The following SAMD4A variants were observed in gnomAD, a reference collection of about 807,000 sequenced individuals.
The protein encoded by SAMD4A is protein Smaug homolog 1.
SAMD4A carries 33 observed loss-of-function variants against 81.3 expected under a neutral mutation model. The ratio of observed to expected loss-of-function variants is 0.41; its 90% CI spans 0.31 to 0.54. The LOEUF (loss-of-function observed/expected upper bound fraction) is 0.54, where lower values mean the gene tolerates loss of function less well. SAMD4A is among the 20% of genes least tolerant of loss of function. SAMD4A has a pLI of 0.37. For missense variants in SAMD4A, 854 were observed against 951.1 expected (o/e 0.90, Z 1.34); for synonymous variants, 389 against 382.1 (o/e 1.02, Z -0.21).
At chr14:54,651,587 A>G (rs1286891850) in intron 2 of SAMD4A, among the ~76,000 whole-genome samples, 1 of 152,242 alleles carries the variant, frequency 6.6e-6, no homozygotes, top group Non-Finnish European at 1.5e-5. Flanking sequence ...TCAAGAACTT[A>G]CTAGTAAATA....
At chr14:54,600,353 G>A (rs753966249) in intron 2 of SAMD4A, among the ~76,000 whole-genome samples, 41 of 152,148 alleles carry the variant, frequency 2.7e-4, no homozygotes, top group Non-Finnish European at 4.6e-4. Flanking sequence ...ATTATCCAAG[G>A]TTTTGTTGTT....
chr14:54,770,553 G>A (rs1294604070), intron 9 of SAMD4A, among the ~76,000 whole-genome samples: 1 of 152,232 alleles, frequency 6.6e-6, no homozygotes, highest in Non-Finnish European at 1.5e-5. Context: ...ACAAAAGGGG[G>A]ATCTGAAAGG....
At chr14:54,596,038 C>G (rs892075131) in intron 2 of SAMD4A, among the ~76,000 whole-genome samples, 2 of 152,122 alleles carry the variant, frequency 1.3e-5, no homozygotes, top group African/African-American at 4.8e-5. Flanking sequence ...ATTAGACTCC[C>G]AGGTCTGGTA....
chr14:54,759,656 G>A (rs1034711949), intron 6 of SAMD4A, among the ~76,000 whole-genome samples: 1 of 152,216 alleles, frequency 6.6e-6, no homozygotes, highest in Non-Finnish European at 1.5e-5. Context: ...TCACATGGGA[G>A]TGCAAGAATC....
intron 2 of SAMD4A, among the ~76,000 whole-genome samples, chr14:54,645,351 C>G (rs2140400565): frequency 6.6e-6 from 1 of 152,310 alleles, no homozygotes; most frequent in African/African-American, 2.4e-5. Context: ...ATGCCTATCC[C>G]TATCCCACTG....
At chr14:54,608,001 G>A (rs920213198) in intron 2 of SAMD4A, among the ~76,000 whole-genome samples, 6 of 130,802 alleles carry the variant, frequency 4.6e-5, no homozygotes, top group African/African-American at 1.8e-4. Flanking sequence ...GGGTGACAGA[G>A]CAAGACTCCG....
At chr14:54,727,996 C>T (rs1373191045) in intron 3 of SAMD4A, among the ~76,000 whole-genome samples, 1 of 152,150 alleles carries the variant, frequency 6.6e-6, no homozygotes, top group Non-Finnish European at 1.5e-5. Flanking sequence ...TCTGTAGCTC[C>T]AGACAGCCCT....
At chr14:54,678,794 C>T (rs1413578274) in intron 2 of SAMD4A, among the ~76,000 whole-genome samples, 1 of 152,048 alleles carries the variant, frequency 6.6e-6, no homozygotes, top group East Asian at 1.9e-4. Flanking sequence ...GTGATCCGCC[C>T]GCCTCGGCCT....
chr14:54,708,876 T>A (rs1276098094), intron 3 of SAMD4A, among the ~76,000 whole-genome samples: 2 of 152,088 alleles, frequency 1.3e-5, no homozygotes, highest in Middle Eastern at 3.2e-3. Context: ...CCAAAGAGAT[T>A]GGAGGTAAGA....
chr14:54,664,203 A>G (rs1349440722), intron 2 of SAMD4A, among the ~76,000 whole-genome samples: 1 of 152,166 alleles, frequency 6.6e-6, no homozygotes, highest in Admixed American at 6.5e-5. Flanking sequence ...TTAAAGAAAG[A>G]GAACCTGAAA....
At chr14:54,773,892 T>C (rs2038769591) in intron 9 of SAMD4A, among the ~76,000 whole-genome samples, 7 of 152,254 alleles carry the variant, frequency 4.6e-5, no homozygotes, top group Admixed American at 4.6e-4. Context: ...GCAGGATGGA[T>C]GAGGACAGAC....
intron 2 of SAMD4A, among the ~76,000 whole-genome samples, chr14:54,664,380 C>T (rs1227020436): frequency 2.6e-5 from 4 of 152,086 alleles, no homozygotes; most frequent in African/African-American, 4.8e-5. Context: ...CAGCCGGCTG[C>T]GTTGTATAAA....
chr14:54,659,444 T>A (rs2035592225), intron 2 of SAMD4A, among the ~76,000 whole-genome samples: 2 of 152,136 alleles, frequency 1.3e-5, no homozygotes, highest in South Asian at 4.1e-4. Flanking sequence ...CTCTTTTTGG[T>A]TTGTTTGGTT....
chr14:54,722,164 C>A (rs776457561), intron 3 of SAMD4A, among the ~76,000 whole-genome samples: 3 of 152,166 alleles, frequency 2.0e-5, no homozygotes, highest in Non-Finnish European at 2.9e-5. Context: ...ATAAACAATA[C>A]TTCACATCAA....
At chr14:54,644,086 C>T (rs1036151074) in intron 2 of SAMD4A, among the ~76,000 whole-genome samples, 4 of 152,142 alleles carry the variant, frequency 2.6e-5, no homozygotes, top group African/African-American at 7.2e-5. Context: ...TCTTGACTAC[C>T]GGCTGTGATT....
In SAMD4A at chr14:54,603,794, ATTTG is replaced by A. The variant is rs200892616; in HGVS notation, c.196+35698_196+35701del. Among the ~76,000 whole-genome samples the A allele has an allele frequency of 7.8e-3, 1,144 of 146,382 alleles. 7 individuals carry two copies. The highest frequency in any genetic ancestry group is 0.016 in the African/African-American group (624 of 39,800). ...AGAACTTTTGTATTTCCATTATTTT[ATTTG>A]TTTGTTTGTTTGTTTATTTGTTTAT... On this transcript the variant is annotated intron_variant, in intron 2 of 12. Transcript: ENST00000554335.
chr14:54,755,232 T>C (rs556717310), intron 6 of SAMD4A, among the ~76,000 whole-genome samples: 2 of 152,060 alleles, frequency 1.3e-5, no homozygotes, highest in African/African-American at 4.8e-5. Context: ...GTCATAGTAT[T>C]TGGGGACAGA....
chr14:54,569,732 T>A (rs1165218165), intron 2 of SAMD4A, among the ~76,000 whole-genome samples: 1 of 152,230 alleles, frequency 6.6e-6, no homozygotes, highest in Non-Finnish European at 1.5e-5. Context: ...TTTTGCATTT[T>A]ATAGATTGCA....
intron 2 of SAMD4A, among the ~76,000 whole-genome samples, chr14:54,643,852 T>C (rs917716517): frequency 6.6e-6 from 1 of 152,166 alleles, no homozygotes; most frequent in African/African-American, 2.4e-5. Flanking sequence ...GTTTTTTTTG[T>C]GTGCTTTCAG....
Sources: gnomAD v4.1 joint callset for allele counts (sites outside exome capture counted in the v4.1 genomes callset) on GRCh38, gnomAD v4.1.1 for gene constraint, MANE v1.5 for transcripts, NCBI Gene and HGNC (gene_info 2026-07-23, HGNC 2026-07-21) for gene names.